PPY: variants seen among roughly 807,000 people sequenced by gnomAD.
PPY encodes the protein pancreatic polypeptide prohormone.
A neutral mutation model predicts 9.3 loss-of-function variants in PPY; 6 were observed. The observed-to-expected ratio is 0.64, with a 90% CI of 0.35 to 1.27. PPY has a LOEUF of 1.27. Ranked by LOEUF, PPY falls within the 50% of genes most tolerant of loss-of-function variation. The pLI, the probability that PPY is intolerant of heterozygous loss-of-function variation, is 0.03. For synonymous variants in PPY, 58 were observed against 54.6 expected (o/e 1.06, Z -0.27); for missense variants, 109 against 119.1 (o/e 0.91, Z 0.40).
chr17:43,944,160 G>A (rs888434564), upstream of PPY, among the ~76,000 whole-genome samples: 13 of 152,168 alleles, frequency 8.5e-5, no homozygotes, highest in African/African-American at 2.4e-4. Flanking sequence ...GCAGCTCGCC[G>A]CCAGAGGGCG....
Position 43,940,817 on chromosome 17 carries a change from C to T in PPY, c.*111G>A, listed in dbSNP as rs1314224232. On this transcript the variant is annotated 3_prime_UTR_variant, in exon 4 of 4. Transcript: ENST00000225992. ...CAGGACAGGCTGTGGCTTTGACTTG[C>T]TTTATTGAGCCTGTGTGGGAGCAGG... 3 of 1,447,024 alleles carry T rather than the reference C, an allele frequency of 2.1e-6. No individual in the cohort carries two copies. Among genetic ancestry groups the T allele is most frequent in the Non-Finnish European group, 2.8e-6 (3 of 1,053,526 alleles). The allele number at this position is 1,447,024 out of a possible 1,614,324, so 89.6% of individuals were successfully genotyped here.
Position 43,942,080 on chromosome 17 carries a change from C to T in PPY, c.-1+341G>A, listed in dbSNP as rs575153491. 14 of 234,300 alleles carry T rather than the reference C, an allele frequency of 6.0e-5. No homozygotes were observed. The South Asian group carries it at 1.0e-3, about 17-fold the overall frequency. 14.5% of individuals were successfully genotyped at this position (234,300 alleles called of 1,614,324 possible). On this transcript the variant is annotated intron_variant, in intron 1 of 3. Transcript: ENST00000225992. This position sits in a 1 kb window ranked among gnomAD's most constrained non-coding sequence, Gnocchi z 5.3. The stretch of plus-strand genomic sequence containing the variant: ...TCCATGGCCTTGTGGGTCTGGCCCT[C>T]CACCCTGCGATAGAGACACAGATAT...
chr17:43,943,155 C>CCCCATTCCAGGGCTTTTTTTAGCACTT (rs1291302676), upstream of PPY, among the ~76,000 whole-genome samples: 1 of 152,126 alleles, frequency 6.6e-6, no homozygotes, highest in Non-Finnish European at 1.5e-5. Flanking sequence ...ATCTCAGAGC[C>CCCCATTCCAGGGCTTTTTTTAGCACTT]CCCATTCCAG....
At chr17:43,942,739 A>G (rs2048587181), upstream of PPY, among the ~76,000 whole-genome samples, 1 of 152,224 alleles carries the variant, frequency 6.6e-6, no homozygotes, top group Non-Finnish European at 1.5e-5. This position sits in a 1 kb window ranked among gnomAD's most constrained non-coding sequence, Gnocchi z 5.3. Flanking sequence ...TGGGCACCAG[A>G]GCAGGCTTGG....
Position 43,941,672 on chromosome 17 carries a change from G to A in PPY, c.1-18C>T. On this transcript the variant is annotated intron_variant, in intron 1 of 3. Transcript: ENST00000225992. Reference sequence around the variant, plus strand: ...GCAGCCATCTGAGGAGCAAGCAGAGGGGAGGTGGAGAGCCCGGGCTGCAGA... The same window carrying A: ...GCAGCCATCTGAGGAGCAAGCAGAGAGGAGGTGGAGAGCCCGGGCTGCAGA... 1 of 1,579,962 alleles carries A rather than the reference G, an allele frequency of 6.3e-7. No homozygotes were observed. The highest frequency in any genetic ancestry group is 8.6e-7 in the Non-Finnish European group (1 of 1,162,758).
Position 43,942,133 on chromosome 17 carries a change from T to C in PPY, c.-1+288A>G, listed in dbSNP as rs2048583677. On this transcript the variant is annotated intron_variant, in intron 1 of 3. Transcript: ENST00000225992. This position sits in a 1 kb window ranked among gnomAD's most constrained non-coding sequence, Gnocchi z 5.3. The stretch of plus-strand genomic sequence containing the variant: ...GTCCTGGAGAAGACGCTACTGTCCA[T>C]GTCGTCCTGCACAGACCAGCAAAGG... 4 of 211,028 alleles carry C rather than the reference T, an allele frequency of 1.9e-5. No homozygotes were observed. The highest frequency in any genetic ancestry group is 1.9e-4 in the South Asian group (2 of 10,778). The allele number at this position is 211,028 out of a possible 1,614,324, so 13.1% of individuals were successfully genotyped here. A position where few individuals can be genotyped will look rare whatever the true frequency, so the allele number is the denominator to read the frequency against.
In PPY at chr17:43,940,876, G is replaced by T; in HGVS notation, c.*52C>A. ...TTTGGCCAGAGCCAAGGGTGCAGAGGGGAGAGCTGGGCTGGCGCTGCTCAT... is the reference window on the plus strand; with the variant it reads ...TTTGGCCAGAGCCAAGGGTGCAGAGTGGAGAGCTGGGCTGGCGCTGCTCAT... On this transcript the variant is annotated 3_prime_UTR_variant, in exon 4 of 4. Transcript: ENST00000225992. The T allele has an allele frequency of 6.3e-7, 1 of 1,582,290 alleles. No individual in the cohort carries two copies. Among genetic ancestry groups the T allele is most frequent in the Non-Finnish European group, 8.6e-7 (1 of 1,163,096 alleles).
At position 43,941,127 on chromosome 17, in the gene PPY, A is replaced by C; in HGVS notation, c.263+16T>G. The C allele has an allele frequency of 2.6e-6, 4 of 1,551,382 alleles. No individual in the cohort carries two copies. The highest frequency in any genetic ancestry group is 3.5e-6 in the Non-Finnish European group (4 of 1,146,776). On this transcript the variant is annotated intron_variant, in intron 3 of 3. Coordinates refer to ENST00000225992, the MANE Select transcript of PPY (RefSeq NM_002722.5). ...CTCCAGGGAGCTGGACAGACAGGGC[A>C]GGGAGTCAAACTCACCTGGGGACAG...
chr17:43,943,695 G>A (rs1750732737), upstream of PPY, among the ~76,000 whole-genome samples: 1 of 152,206 alleles, frequency 6.6e-6, no homozygotes, highest in African/African-American at 2.4e-5. Context: ...ATACCAAGAA[G>A]TTGGGAGATG....
At chr17:43,944,195 G>A (rs1333341191), upstream of PPY, among the ~76,000 whole-genome samples, 2 of 152,108 alleles carry the variant, frequency 1.3e-5, no homozygotes, top group African/African-American at 4.8e-5. Flanking sequence ...TAGTTAAAAG[G>A]ATCTGAGCTC....
At chr17:43,941,047 C>T (rs574478577) in intron 3 of PPY, 95 bp from the exon 4 acceptor site, 1 of 1,547,194 alleles carries the variant, frequency 6.5e-7, no homozygotes. Flanking sequence ...CTCCCTCTTC[C>T]ACCCCCCACT....
Position 43,941,132 on chromosome 17 carries a change from G to A in PPY, c.263+11C>T, listed in dbSNP as rs1284079569. The stretch of plus-strand genomic sequence containing the variant: ...GGGAGCTGGACAGACAGGGCAGGGA[G>A]TCAAACTCACCTGGGGACAGCAGCA... On this transcript the variant is annotated intron_variant, in intron 3 of 3. Transcript: ENST00000225992. 8 of 1,551,400 alleles carry A rather than the reference G, an allele frequency of 5.2e-6. 1 individual carries two copies. In the Middle Eastern group the frequency reaches 5.0e-4, roughly 97 times the overall value.
chr17:43,942,960 C>A (rs1597837256), upstream of PPY, among the ~76,000 whole-genome samples: 1 of 152,282 alleles, frequency 6.6e-6, no homozygotes, highest in East Asian at 1.9e-4. This position sits in a 1 kb window ranked among gnomAD's most constrained non-coding sequence, Gnocchi z 5.3. Context: ...CTGCAGCTTG[C>A]AACTAGAACA....
intron 1 of PPY, among the ~76,000 whole-genome samples, chr17:43,941,968 G>A (rs1373509906): frequency 2.0e-5 from 3 of 152,180 alleles, no homozygotes; most frequent in Non-Finnish European, 4.4e-5. Context: ...TGGCTCCCAG[G>A]AGGCAGCAGC....
At chr17:43,942,803 A>G (rs764533287), upstream of PPY, among the ~76,000 whole-genome samples, 1 of 152,222 alleles carries the variant, frequency 6.6e-6, no homozygotes, top group Non-Finnish European at 1.5e-5. This position sits in a 1 kb window ranked among gnomAD's most constrained non-coding sequence, Gnocchi z 5.3. Flanking sequence ...TTTTGGTCAC[A>G]GGCCTTGGAA....
chr17:43,944,156 C>T (rs556271722), upstream of PPY, among the ~76,000 whole-genome samples: 3 of 152,280 alleles, frequency 2.0e-5, no homozygotes, highest in African/African-American at 4.8e-5. Flanking sequence ...GGTTGCAGCT[C>T]GCCGCCAGAG....
At chr17:43,944,010 C>A (rs1053575688), upstream of PPY, among the ~76,000 whole-genome samples, 1 of 152,252 alleles carries the variant, frequency 6.6e-6, no homozygotes, top group Non-Finnish European at 1.5e-5. Context: ...AGACAACTTA[C>A]ATTCCACAAA....
In PPY at chr17:43,941,230, C is replaced by A. The variant is rs1340186617; in HGVS notation, c.192-16G>T. On this transcript the variant is annotated splice_polypyrimidine_tract_variant and intron_variant, in intron 2 of 3. Transcript: ENST00000225992. ...TTTCCCATACCTGGGAGGGAAGAGGCAGCAGGGGCAAGCACTGTGCCCAGG... is the reference window on the plus strand; with the variant it reads ...TTTCCCATACCTGGGAGGGAAGAGGAAGCAGGGGCAAGCACTGTGCCCAGG... 1 of 1,551,310 alleles carries A rather than the reference C, an allele frequency of 6.4e-7. No homozygotes were observed. The highest frequency in any genetic ancestry group is 8.7e-7 in the Non-Finnish European group (1 of 1,146,942).
upstream of PPY, among the ~76,000 whole-genome samples, chr17:43,944,088 A>G (rs934165415): frequency 6.6e-6 from 1 of 152,234 alleles, no homozygotes; most frequent in Non-Finnish European, 1.5e-5. Context: ...TTCCACTTGC[A>G]AAACAAGGGT....
Sources: gnomAD v4.1 joint callset for allele counts (sites outside exome capture counted in the v4.1 genomes callset) on GRCh38, gnomAD v4.1.1 for gene constraint, Gnocchi (gnomAD v3.1) non-coding constraint, MANE v1.5 for transcripts, NCBI Gene and HGNC (gene_info 2026-07-23, HGNC 2026-07-21) for gene names.